Variants in SEPTIN11 observed in about 807,000 individuals in gnomAD.
SEPTIN11 encodes septin 11, also known as septin-11.
In SEPTIN11, 25 loss-of-function variants were observed where a neutral mutation model predicts 51.4. The observed-to-expected ratio is 0.49, with a 90% CI of 0.35 to 0.68. SEPTIN11 has a LOEUF of 0.68. Ranked by LOEUF, SEPTIN11 falls within the 30% of genes least tolerant of loss-of-function variation. The pLI, the probability that SEPTIN11 is intolerant of heterozygous loss-of-function variation, is 0.00. For synonymous variants in SEPTIN11, 174 were observed against 184.1 expected (o/e 0.95, Z 0.44); for missense variants, 381 against 520.8 (o/e 0.73, Z 2.61).
At chr4:76,971,003 T>C (rs1224438480) in intron 1 of SEPTIN11, among the ~76,000 whole-genome samples, 3 of 152,216 alleles carry the variant, frequency 2.0e-5, no homozygotes, top group Non-Finnish European at 4.4e-5. Context: ...CTTTGTCCTG[T>C]GGAAGTGGGG....
intron 7 of SEPTIN11, among the ~76,000 whole-genome samples, chr4:77,025,648 T>G (rs1726073130): frequency 6.6e-6 from 1 of 152,116 alleles, no homozygotes; most frequent in East Asian, 1.9e-4. Flanking sequence ...TGAGGGCTTG[T>G]GGTATCTCTA....
chr4:76,959,089 TGAG>T lies in SEPTIN11; in HGVS notation c.27+9160_27+9162del, dbSNP rs1721694201. The T allele has an allele frequency of 6.0e-6, 4 of 661,934 alleles. No homozygotes were observed. In the Admixed American group the frequency reaches 7.4e-5, roughly 12 times the overall value. 41.0% of individuals were successfully genotyped at this position (661,934 alleles called of 1,614,324 possible). On this transcript the variant is annotated intron_variant, in intron 1 of 9. Coordinates refer to ENST00000264893, the MANE Select transcript of SEPTIN11 (RefSeq NM_018243.4). ...TTTTGCAAGGCCCACACCATGTGGC[TGAG>T]AAGTCAACTACAAGTTTATTGCCTG...
At chr4:76,963,220 A>G (rs1721892038) in intron 1 of SEPTIN11, among the ~76,000 whole-genome samples, 1 of 152,206 alleles carries the variant, frequency 6.6e-6, no homozygotes, top group African/African-American at 2.4e-5. Context: ...TACTTTTGGA[A>G]TGTTTTCACT....
intron 6 of SEPTIN11, 63 bp from the exon 7 acceptor site, chr4:77,020,439 C>T (rs1169704260): frequency 1.3e-6 from 2 of 1,570,730 alleles, no homozygotes; most frequent in Admixed American, 1.7e-5. Context: ...GGAAGCATCA[C>T]TGCAGATATT....
intron 1 of SEPTIN11, among the ~76,000 whole-genome samples, chr4:76,983,710 C>T (rs532948033): frequency 1.3e-5 from 2 of 152,136 alleles, no homozygotes; most frequent in Non-Finnish European, 2.9e-5. Context: ...GAGATTAAGA[C>T]ACAGTAGAAC....
chr4:76,992,153 A>G (rs938102059), intron 1 of SEPTIN11, among the ~76,000 whole-genome samples: 1 of 152,224 alleles, frequency 6.6e-6, no homozygotes, highest in South Asian at 2.1e-4. Context: ...ACTAAGCATT[A>G]TATTATAGGT....
chr4:76,990,917 A>G (rs1723343816), intron 1 of SEPTIN11, among the ~76,000 whole-genome samples: 2 of 152,190 alleles, frequency 1.3e-5, no homozygotes, highest in African/African-American at 4.8e-5. Flanking sequence ...CAGGAATGTG[A>G]TTTTGTGGCT....
At chr4:76,975,425 T>C (rs2109907708) in intron 1 of SEPTIN11, among the ~76,000 whole-genome samples, 1 of 152,336 alleles carries the variant, frequency 6.6e-6, no homozygotes, top group East Asian at 1.9e-4. Flanking sequence ...TCTATTATTA[T>C]TACTTCAAGT....
At chr4:76,963,962 C>T (rs2109890957) in intron 1 of SEPTIN11, among the ~76,000 whole-genome samples, 1 of 152,164 alleles carries the variant, frequency 6.6e-6, no homozygotes, top group South Asian at 2.1e-4. Context: ...CCTCCCCCTA[C>T]CCCACAACAG....
intron 2 of SEPTIN11, among the ~76,000 whole-genome samples, chr4:77,001,089 G>C (rs766689430): frequency 6.6e-6 from 1 of 152,122 alleles, no homozygotes; most frequent in Non-Finnish European, 1.5e-5. Context: ...AGAGCTCGTA[G>C]GTTAAATAAG....
intron 1 of SEPTIN11, among the ~76,000 whole-genome samples, chr4:76,982,725 C>T (rs890562248): frequency 1.3e-5 from 2 of 152,080 alleles, no homozygotes; most frequent in Non-Finnish European, 2.9e-5. Flanking sequence ...TTTGTATTTC[C>T]TAGAATTCTT....
At chr4:77,020,471 C>A in intron 6 of SEPTIN11, 31 bp from the exon 7 acceptor site, 1 of 1,607,980 alleles carries the variant, frequency 6.2e-7, no homozygotes, top group African/African-American at 1.3e-5. Flanking sequence ...ATTGCTAATC[C>A]CACTTCCGCC....
In SEPTIN11 at chr4:76,954,566, G is replaced by A. The variant is rs114869950; in HGVS notation, c.27+4636G>A. On this transcript the variant is annotated intron_variant, in intron 1 of 9. Coordinates refer to ENST00000264893, the MANE Select transcript of SEPTIN11 (RefSeq NM_018243.4). The stretch of plus-strand genomic sequence containing the variant: ...CTGGCAGCCCATCAATGCAGCAGCT[G>A]TTGAACATAAAAACAATACTTGGGC... 8.4e-3 allele frequency among the ~76,000 whole-genome samples: 1,274 copies of A among 152,310 alleles called. 12 individuals carry two copies. The highest frequency in any genetic ancestry group is 0.029 in the African/African-American group (1,204 of 41,562).
intron 4 of SEPTIN11, among the ~76,000 whole-genome samples, chr4:77,013,851 C>A (rs1422368377): frequency 6.6e-6 from 1 of 152,232 alleles, no homozygotes; most frequent in East Asian, 1.9e-4. Context: ...TCTGTTTTCT[C>A]TCACCTGAAC....
chr4:77,030,542 A>G (rs980830633), intron 8 of SEPTIN11, among the ~76,000 whole-genome samples: 3 of 151,870 alleles, frequency 2.0e-5, no homozygotes, highest in Non-Finnish European at 4.4e-5. Flanking sequence ...GATTACAGGC[A>G]CCCGCCACCA....
In SEPTIN11 at chr4:77,005,665, C is replaced by T. The variant is rs779717406; in HGVS notation, c.207C>T (p.Asp69=). The T allele has an allele frequency of 3.1e-6, 5 of 1,613,994 alleles. No individual in the cohort carries two copies. In the East Asian group the frequency reaches 1.1e-4, roughly 36 times the overall value. ...DTLFNTKFES[D]PATHNEPGVR... is the part of the protein sequence containing the mutation. ...TGTTCAACACCAAATTTGAAAGTGA[C>T]CCAGCTACTCACAATGAACCAGGTG... Residue 69 remains aspartate (D), a synonymous_variant, in exon 3 of 10, where the codon GAC becomes GAT. Transcript: ENST00000264893.
chr4:76,985,741 G>A (rs193036478), intron 1 of SEPTIN11, among the ~76,000 whole-genome samples: 25 of 152,322 alleles, frequency 1.6e-4, no homozygotes, highest in Admixed American at 5.9e-4. Context: ...GCCTCACTCT[G>A]TCTCCACCTG....
chr4:76,998,523 C>T (rs115646610), intron 2 of SEPTIN11, among the ~76,000 whole-genome samples: 45 of 152,266 alleles, frequency 3.0e-4, no homozygotes, highest in African/African-American at 1.0e-3. Flanking sequence ...AAGCCAGTCA[C>T]GTTGCATCGC....
intron 1 of SEPTIN11, among the ~76,000 whole-genome samples, chr4:76,961,970 A>G (rs564828174): frequency 6.6e-6 from 1 of 152,254 alleles, no homozygotes; most frequent in African/African-American, 2.4e-5. Flanking sequence ...ATGAAATATA[A>G]GTGCAAAAAT....
Sources: gnomAD v4.1 joint callset for allele counts (sites outside exome capture counted in the v4.1 genomes callset) on GRCh38, gnomAD v4.1.1 for gene constraint, MANE v1.5 for transcripts, NCBI Gene and HGNC (gene_info 2026-07-23, HGNC 2026-07-21) for gene names.